The following KALRN variants were observed in gnomAD, a reference collection of about 807,000 sequenced individuals.
KALRN encodes kalirin.
A neutral mutation model predicts 353.7 loss-of-function variants in KALRN; 70 were observed. The observed-to-expected ratio is 0.20, with a 90% CI of 0.16 to 0.24. The LOEUF is 0.24. KALRN is among the 10% of genes least tolerant of loss of function. The probability of loss-of-function intolerance (pLI) is 1.00; values close to 1 mark genes in which losing one functional copy is unlikely to be tolerated. For synonymous variants in KALRN, 1,391 were observed against 1,434.8 expected (o/e 0.97, Z 0.69); for missense variants, 2,791 against 3,756.7 (o/e 0.74, Z 6.72).
Position 124,326,162 on chromosome 3 carries a change from G to A in KALRN, c.1275G>A (p.Lys425=). 6.2e-7 allele frequency: 1 copy of A among 1,611,384 alleles called. No individual in the cohort carries two copies. The highest frequency in any genetic ancestry group is 8.5e-7 in the Non-Finnish European group (1 of 1,178,608). Residue 425 remains lysine (K), a synonymous_variant, in exon 7 of 60, where the codon AAG becomes AAA. Transcript: ENST00000682506. ...ILAMSAVFHQ[K]AEQFLSGVDA... Reference sequence around the variant, plus strand: ...CCATGTCTGCTGTGTTCCACCAGAAGGCTGAGCAGGTAAGGTGCAGAAACC... The same window carrying A: ...CCATGTCTGCTGTGTTCCACCAGAAAGCTGAGCAGGTAAGGTGCAGAAACC...
At chr3:124,110,526 C>T (rs2062864053) in intron 1 of KALRN, among the ~76,000 whole-genome samples, 1 of 151,472 alleles carries the variant, frequency 6.6e-6, no homozygotes, top group Non-Finnish European at 1.5e-5. Context: ...AAATGTGGGT[C>T]TCTTTCTGTA....
chr3:124,038,044 A>C lies in KALRN; in HGVS notation c.73+4231A>C, dbSNP rs191102027. On this transcript the variant is annotated intron_variant, in intron 1 of 59. Transcript: ENST00000682506. ...GATGTTGATTTGGAAGGTTGGATGC[A>C]GCCGAAGCTTTGTGAATGCATCTGC... 4.1e-4 allele frequency among the ~76,000 whole-genome samples: 63 copies of C among 152,338 alleles called. 1 individual carries two copies. The East Asian group carries it at 0.011, about 26-fold the overall frequency.
intron 1 of KALRN, among the ~76,000 whole-genome samples, chr3:124,126,988 A>G (rs116425489): frequency 3.3e-5 from 5 of 152,326 alleles, no homozygotes; most frequent in African/African-American, 1.2e-4. Context: ...GCTGTTGTCT[A>G]TCTGGCTCAA....
At chr3:124,044,370 CAT>C (rs1460849587) in intron 1 of KALRN, among the ~76,000 whole-genome samples, 1 of 152,148 alleles carries the variant, frequency 6.6e-6, no homozygotes, top group East Asian at 1.9e-4. Context: ...GTTCCAGAAT[CAT>C]AGAATCTTAG....
chr3:124,549,287 CT>C (rs1032773655), intron 33 of KALRN, among the ~76,000 whole-genome samples: 6 of 150,914 alleles, frequency 4.0e-5, no homozygotes, highest in African/African-American at 9.7e-5. Context: ...GAAATACTGA[CT>C]TTTTTTTAAG....
intron 2 of KALRN, among the ~76,000 whole-genome samples, chr3:124,234,079 A>G (rs1231013725): frequency 3.9e-5 from 6 of 152,228 alleles, no homozygotes; most frequent in Admixed American, 3.9e-4. Context: ...ATAGCAACAG[A>G]AATTGTCATT....
chr3:124,451,588 G>C (rs2058787399), intron 21 of KALRN, among the ~76,000 whole-genome samples: 1 of 152,168 alleles, frequency 6.6e-6, no homozygotes, highest in African/African-American at 2.4e-5. Flanking sequence ...GGAAAGATTT[G>C]AGTTTCAAGT....
chr3:124,575,955 A>G (rs531089372), intron 34 of KALRN, among the ~76,000 whole-genome samples: 2 of 152,122 alleles, frequency 1.3e-5, no homozygotes, highest in South Asian at 4.1e-4. Context: ...TCTTTGGCGG[A>G]CGTTATTCTG....
In KALRN at chr3:124,586,587, G is replaced by A. The variant is rs181691604; in HGVS notation, c.5182+23498G>A. 1.2e-3 allele frequency among the ~76,000 whole-genome samples: 183 copies of A among 152,340 alleles called. 3 individuals are homozygous for A. Among genetic ancestry groups the A allele is most frequent in the Non-Finnish European group, 1.5e-4 (10 of 68,036 alleles). On this transcript the variant is annotated intron_variant, in intron 34 of 59. Coordinates refer to ENST00000682506, the MANE Select transcript of KALRN (RefSeq NM_001388419.1). ...GTGCCTCCTGCCTAGGGCCTGTGAAGGCAGTGGCTGCTGGCTCCGTGGCTA... is the reference window on the plus strand; with the variant it reads ...GTGCCTCCTGCCTAGGGCCTGTGAAAGCAGTGGCTGCTGGCTCCGTGGCTA...
chr3:124,233,521 G>A (rs2079416708), intron 2 of KALRN, among the ~76,000 whole-genome samples: 1 of 152,220 alleles, frequency 6.6e-6, no homozygotes, highest in African/African-American at 2.4e-5. Context: ...TTTTCATCAG[G>A]GCTGAATCTC....
At chr3:124,567,792 A>C (rs927581787) in intron 34 of KALRN, among the ~76,000 whole-genome samples, 1 of 152,174 alleles carries the variant, frequency 6.6e-6, no homozygotes, top group Non-Finnish European at 1.5e-5. Context: ...GTATATTTTT[A>C]AGTTCTTTTG....
intron 32 of KALRN, among the ~76,000 whole-genome samples, chr3:124,493,569 A>G (rs559931581): frequency 6.6e-6 from 1 of 152,112 alleles, no homozygotes; most frequent in African/African-American, 2.4e-5. Flanking sequence ...CTTCACGTAC[A>G]TTTTGAAGAA....
intron 34 of KALRN, among the ~76,000 whole-genome samples, chr3:124,628,929 A>G (rs933618547): frequency 6.6e-6 from 1 of 151,758 alleles, no homozygotes; most frequent in Non-Finnish European, 1.5e-5. Flanking sequence ...TTTCTTCTCT[A>G]TTGGCTGCAT....
chr3:124,714,406 G>A (rs1559885059), intron 58 of KALRN, among the ~76,000 whole-genome samples: 1 of 152,230 alleles, frequency 6.6e-6, no homozygotes, highest in Non-Finnish European at 1.5e-5. Context: ...GGAAGGTGCT[G>A]ATATTGGGCT....
At chr3:124,634,106 G>A (rs765107663) in intron 36 of KALRN, among the ~76,000 whole-genome samples, 153 bp downstream of exon 36, 2 of 152,126 alleles carry the variant, frequency 1.3e-5, no homozygotes, top group Non-Finnish European at 2.9e-5. Context: ...TATTTGGTAG[G>A]TGTCCCTTCC....
At chr3:124,309,033 A>G (rs1257655388) in intron 6 of KALRN, among the ~76,000 whole-genome samples, 3 of 152,138 alleles carry the variant, frequency 2.0e-5, no homozygotes, top group Non-Finnish European at 2.9e-5. Context: ...AAGCCAATAA[A>G]TTAGATAATA....
chr3:124,367,314 G>A (rs2084959127), intron 10 of KALRN, among the ~76,000 whole-genome samples: 1 of 56,156 alleles, frequency 1.8e-5, no homozygotes, highest in Non-Finnish European at 3.5e-5. Flanking sequence ...TCCCGGACGG[G>A]GCGGCTGGCC....
chr3:124,644,336 T>A (rs1490174016), intron 37 of KALRN, among the ~76,000 whole-genome samples: 1 of 152,170 alleles, frequency 6.6e-6, no homozygotes, highest in Non-Finnish European at 1.5e-5. Context: ...TTTTAAAATT[T>A]TTTTTTATAC....
chr3:124,055,080 T>C (rs1441442627), intron 1 of KALRN, among the ~76,000 whole-genome samples: 1 of 152,228 alleles, frequency 6.6e-6, no homozygotes, highest in East Asian at 1.9e-4. Context: ...GTGTAACAGT[T>C]ACTTTTGGGG....
Sources: gnomAD v4.1 joint callset for allele counts (sites outside exome capture counted in the v4.1 genomes callset) on GRCh38, gnomAD v4.1.1 for gene constraint, MANE v1.5 for transcripts, NCBI Gene and HGNC (gene_info 2026-07-23, HGNC 2026-07-21) for gene names.